USP16: variants seen among roughly 807,000 people sequenced by gnomAD.
USP16 encodes the protein ubiquitin carboxyl-terminal hydrolase 16.
USP16 carries 77 observed loss-of-function variants against 95.9 expected under a neutral mutation model. That is an observed-to-expected ratio of 0.80 (90% CI 0.67 to 0.97). USP16 has a LOEUF of 0.97. Among genes scored for constraint, USP16 ranks in the 50% least tolerant of loss-of-function variants. The pLI, the probability that USP16 is intolerant of heterozygous loss-of-function variation, is 0.00. For synonymous variants in USP16, 303 were observed against 318.2 expected (o/e 0.95, Z 0.51); for missense variants, 943 against 959.9 (o/e 0.98, Z 0.23).
chr21:29,047,921 G>T (rs531629614), intron 14 of USP16, among the ~76,000 whole-genome samples: 1 of 151,662 alleles, frequency 6.6e-6, no homozygotes, highest in South Asian at 2.1e-4. Flanking sequence ...GTGTGTGTGT[G>T]TATGTATCTT....
At chr21:29,042,611 A>C (rs1356916956) in intron 12 of USP16, 83 bp downstream of exon 12, 3 of 1,256,794 alleles carry the variant, frequency 2.4e-6, no homozygotes, top group African/African-American at 3.1e-5. Context: ...ACTCTTTTTA[A>C]GTTTGTATAT....
intron 3 of USP16, 43 bp downstream of exon 3, chr21:29,030,816 C>G: frequency 6.4e-7 from 1 of 1,558,520 alleles, no homozygotes; most frequent in Non-Finnish European, 8.6e-7. Context: ...TTAGAAAACT[C>G]TTTGAACTTA....
In USP16 at chr21:29,050,116, A is replaced by T; in HGVS notation, c.2131A>T (p.Asn711Tyr). Residue 711 changes from asparagine (N) to tyrosine (Y), a missense_variant, in exon 16 of 18, where the codon AAC (asparagine) becomes TAC (tyrosine). Coordinates refer to ENST00000399976, the MANE Select transcript of USP16 (RefSeq NM_006447.3). ...GGCTGGTTTTAACCTACGCAAAGTT[A>T]ACAAACACATAAAGTTTCCGGAAAT... is the stretch of plus-strand genomic sequence containing the variant. The part of the protein sequence containing the change: ...QQAGFNLRKV[N>Y]KHIKFPEILD... 1.2e-6 allele frequency: 2 copies of T among 1,613,588 alleles called. No homozygotes were observed. Among genetic ancestry groups the T allele is most frequent in the Non-Finnish European group, 1.7e-6 (2 of 1,179,872 alleles).
rs2085449790 is a variant in USP16 at position 29,053,642 on chromosome 21, AGG to A, written c.2194-159_2194-158del. On this transcript the variant is annotated intron_variant, in intron 16 of 17. Coordinates refer to ENST00000399976, the MANE Select transcript of USP16 (RefSeq NM_006447.3). ...TTTATAATAAAAACAGAAGTGTCTC[AGG>A]CTGAGAAGAGGTATGGAGAAAAGAG... is the stretch of plus-strand genomic sequence containing the variant. 4.6e-6 allele frequency: 3 copies of A among 651,520 alleles called. No individual in the cohort carries two copies. The African/African-American group carries it at 5.5e-5, about 12-fold the overall frequency. The allele number at this position is 651,520 out of a possible 1,614,324, so 40.4% of individuals were successfully genotyped here. A position where few individuals can be genotyped will look rare whatever the true frequency, so the allele number is the denominator to read the frequency against.
rs747396801 is a variant in USP16 at position 29,053,908 on chromosome 21, C to T, written c.2300C>T (p.Thr767Ile). 6.2e-7 allele frequency: 1 copy of T among 1,614,230 alleles called. No homozygotes were observed. The highest frequency in any genetic ancestry group is 1.3e-5 in the African/African-American group (1 of 75,070). Residue 767 changes from threonine to isoleucine, a missense_variant, in exon 17 of 18, where the codon ACC becomes ATC. Transcript: ENST00000399976. ...GHYTAYAKAR[T>I]ANSHLSNLVL... ...TACACTGCCTATGCCAAGGCAAGAACCGCAAATAGTCATCTCTCTAATCTT... is the reference window on the plus strand; with the variant it reads ...TACACTGCCTATGCCAAGGCAAGAATCGCAAATAGTCATCTCTCTAATCTT...
intron 4 of USP16, among the ~76,000 whole-genome samples, chr21:29,035,431 T>C (rs1601049676): frequency 6.6e-6 from 1 of 151,042 alleles, no homozygotes; most frequent in East Asian, 2.0e-4. Context: ...TGGAGTGCAG[T>C]GGTGTGATCT....
intron 13 of USP16, among the ~76,000 whole-genome samples, chr21:29,044,940 A>T (rs1016118691): frequency 2.0e-5 from 3 of 152,118 alleles, no homozygotes; most frequent in African/African-American, 4.8e-5. Flanking sequence ...GAGGGATTGC[A>T]TTTGTAGTTT....
At chr21:29,047,765 C>T (rs750431552) in intron 14 of USP16, among the ~76,000 whole-genome samples, 31 of 151,828 alleles carry the variant, frequency 2.0e-4, no homozygotes, top group Non-Finnish European at 2.9e-4. Context: ...TTTCCCTTAT[C>T]TCCCCATTGC....
chr21:29,041,542 G>A (rs1192789105), intron 10 of USP16, among the ~76,000 whole-genome samples: 1 of 152,140 alleles, frequency 6.6e-6, no homozygotes, highest in Non-Finnish European at 1.5e-5. Flanking sequence ...TATCAAAGGA[G>A]TTCAGTCTTA....
intron 4 of USP16, among the ~76,000 whole-genome samples, chr21:29,035,399 G>A (rs1053799385): frequency 2.0e-5 from 3 of 148,820 alleles, no homozygotes; most frequent in Admixed American, 6.6e-5. Flanking sequence ...TTTTTGAGAC[G>A]GAATCTTTCT....
intron 3 of USP16, 131 bp downstream of exon 3, chr21:29,030,904 G>T (rs1242423484): frequency 1.9e-6 from 2 of 1,039,220 alleles, no homozygotes; most frequent in Non-Finnish European, 2.7e-6. Flanking sequence ...TGGAGAACCA[G>T]TTCTGAGATG....
At chr21:29,035,311 G>GTA (rs1404695354) in intron 4 of USP16, among the ~76,000 whole-genome samples, 1 of 151,816 alleles carries the variant, frequency 6.6e-6, no homozygotes, top group Non-Finnish European at 1.5e-5. Flanking sequence ...ATGCTGCATT[G>GTA]TAACATCATT....
intron 14 of USP16, 107 bp downstream of exon 14, chr21:29,047,428 G>C (rs761246119): frequency 8.8e-6 from 11 of 1,247,612 alleles, no homozygotes; most frequent in Non-Finnish European, 1.2e-5. Flanking sequence ...GCATGAATAA[G>C]TGTCCTTTTC....
chr21:29,027,083 C>T (rs1324954693), intron 1 of USP16, among the ~76,000 whole-genome samples: 1 of 152,118 alleles, frequency 6.6e-6, no homozygotes, highest in Non-Finnish European at 1.5e-5. Context: ...AACTTGGGTG[C>T]TATTTTATGT....
chr21:29,025,705 C>G, intron 1 of USP16: 1 of 982,448 alleles, frequency 1.0e-6, no homozygotes, highest in Non-Finnish European at 1.2e-6. Flanking sequence ...TTCTTTTTCA[C>G]CAGAACTTGT....
intron 14 of USP16, among the ~76,000 whole-genome samples, chr21:29,048,190 C>T (rs1342891292): frequency 6.6e-6 from 1 of 151,656 alleles, no homozygotes; most frequent in Non-Finnish European, 1.5e-5. Context: ...TCAAGAGATT[C>T]TCCTGCCTCA....
At chr21:29,048,914 T>A in intron 15 of USP16, 59 bp downstream of exon 15, 1 of 1,288,976 alleles carries the variant, frequency 7.8e-7, no homozygotes, top group Non-Finnish European at 1.1e-6. Context: ...ATTACCTATT[T>A]TTTTCATTAC....
intron 13 of USP16, among the ~76,000 whole-genome samples, chr21:29,044,503 A>G (rs2853830): frequency 0.38 from 55,910 of 148,548 alleles, 11,891 homozygotes; most frequent in South Asian, 0.52. Context: ...CTGGAGTGCA[A>G]ATGGCGAGAT....
At position 29,053,967 on chromosome 21, in the gene USP16, T is replaced by C. The variant is rs1282130464; in HGVS notation, c.2350+9T>C. Reference sequence around the variant, plus strand: ...CGGTGATATTCCACAAGGTAAGATGTCTTGGAAAATTCAGGCACTCAGCAG... The same window carrying C: ...CGGTGATATTCCACAAGGTAAGATGCCTTGGAAAATTCAGGCACTCAGCAG... On this transcript the variant is annotated intron_variant, in intron 17 of 17. Coordinates refer to ENST00000399976, the MANE Select transcript of USP16 (RefSeq NM_006447.3). 6.2e-7 allele frequency: 1 copy of C among 1,613,668 alleles called. No homozygotes were observed. Among genetic ancestry groups the C allele is most frequent in the East Asian group, 2.2e-5 (1 of 44,886 alleles).
Sources: allele counts gnomAD v4.1 joint callset (sites outside exome capture counted in the v4.1 genomes callset), GRCh38; gene constraint gnomAD v4.1.1; transcripts MANE v1.5; gene names NCBI Gene and HGNC (gene_info 2026-07-23, HGNC 2026-07-21).